The following MYO9A variants were observed in gnomAD, a reference collection of about 807,000 sequenced individuals.
MYO9A encodes myosin IXA.
A neutral mutation model predicts 293.3 loss-of-function variants in MYO9A; 103 were observed. The ratio of observed to expected loss-of-function variants is 0.35; its 90% CI spans 0.30 to 0.41. MYO9A has a LOEUF of 0.41. Ranked by LOEUF, MYO9A falls within the 10% of genes least tolerant of loss-of-function variation. The probability of loss-of-function intolerance (pLI) is 1.00; values close to 1 mark genes in which losing one functional copy is unlikely to be tolerated. For missense variants in MYO9A, 2,685 were observed against 3,033.0 expected, an observed-to-expected ratio of 0.89 and a Z score of 2.69; for synonymous variants, 1,001 against 1,035.7, an observed-to-expected ratio of 0.97 and a Z score of 0.64.
chr15:71,887,387 C>G (rs969759293), intron 27 of MYO9A, among the ~76,000 whole-genome samples: 2 of 152,112 alleles, frequency 1.3e-5, no homozygotes, highest in Non-Finnish European at 2.9e-5. Context: ...TCTCTACCCT[C>G]CCCTGTTCGC....
At chr15:72,072,001 CAG>C (rs1352181893) in intron 1 of MYO9A, among the ~76,000 whole-genome samples, 10 of 135,730 alleles carry the variant, frequency 7.4e-5, no homozygotes, top group African/African-American at 2.5e-4. Context: ...GCTCAGGAGG[CAG>C]AGAGGTTGCA....
At chr15:71,942,522 ATATTT>A (rs2058804736) in intron 15 of MYO9A, among the ~76,000 whole-genome samples, 1 of 151,916 alleles carries the variant, frequency 6.6e-6, no homozygotes, top group African/African-American at 2.4e-5. Context: ...ATCTTAGTTT[ATATTT>A]TTTTATTTAC....
At chr15:72,077,951 C>A (rs2079422578) in intron 1 of MYO9A, among the ~76,000 whole-genome samples, 1 of 151,686 alleles carries the variant, frequency 6.6e-6, no homozygotes, top group African/African-American at 2.4e-5. Context: ...TGTTAGGGAA[C>A]TGAAAATCAA....
chr15:72,001,553 C>CAAAAAAAAAA (rs199812533), intron 8 of MYO9A, among the ~76,000 whole-genome samples: 2 of 102,524 alleles, frequency 2.0e-5, no homozygotes, highest in African/African-American at 4.0e-5. Context: ...GACTCCATCT[C>CAAAAAAAAAA]AAAAAAAAAA....
chr15:71,985,242 A>G (rs1301439031), intron 11 of MYO9A, among the ~76,000 whole-genome samples: 1 of 151,956 alleles, frequency 6.6e-6, no homozygotes, highest in Non-Finnish European at 1.5e-5. Context: ...GTTTTTATTC[A>G]TGCTGGTTTG....
At chr15:71,977,457 G>A (rs950381125) in intron 12 of MYO9A, among the ~76,000 whole-genome samples, 2 of 152,054 alleles carry the variant, frequency 1.3e-5, no homozygotes, top group Non-Finnish European at 2.9e-5. Context: ...GGCTGGTCTC[G>A]AACTCCTGGC....
At chr15:71,977,604 CAAAG>C (rs1320563805) in intron 12 of MYO9A, among the ~76,000 whole-genome samples, 1 of 151,278 alleles carries the variant, frequency 6.6e-6, no homozygotes, top group Non-Finnish European at 1.5e-5. Flanking sequence ...GCTCAATTTA[CAAAG>C]AAAGAAACAT....
At chr15:71,850,277 A>T (rs1194047311) in intron 37 of MYO9A, 110 bp from the exon 38 acceptor site, 2 of 1,253,680 alleles carry the variant, frequency 1.6e-6, no homozygotes, top group Non-Finnish European at 1.1e-6. Context: ...CATGAACTGC[A>T]TAGTACTAGA....
At chr15:71,960,392 A>G (rs1372270535) in intron 13 of MYO9A, 3 of 307,808 alleles carry the variant, frequency 9.7e-6, no homozygotes, top group African/African-American at 2.1e-5. Flanking sequence ...CTCTCTTGCC[A>G]TGTGACACAT....
chr15:71,967,577 A>G (rs1043191576), intron 13 of MYO9A, among the ~76,000 whole-genome samples: 14 of 152,318 alleles, frequency 9.2e-5, no homozygotes, highest in African/African-American at 2.6e-4. Flanking sequence ...TCCACTCCAC[A>G]TAAGAGTTTC....
intron 32 of MYO9A, among the ~76,000 whole-genome samples, chr15:71,874,909 T>C (rs933455844): frequency 2.6e-5 from 4 of 152,208 alleles, no homozygotes; most frequent in African/African-American, 4.8e-5. Flanking sequence ...TGTCAAGAAT[T>C]AGCAAAAGTA....
intron 1 of MYO9A, among the ~76,000 whole-genome samples, chr15:72,054,160 C>T (rs1209063842): frequency 3.3e-5 from 5 of 151,962 alleles, no homozygotes; most frequent in Non-Finnish European, 5.9e-5. Context: ...TAACATCAAG[C>T]AAAACAGGAA....
chr15:71,940,983 C>A (rs1488474057), intron 15 of MYO9A, among the ~76,000 whole-genome samples: 3 of 151,904 alleles, frequency 2.0e-5, no homozygotes, highest in African/African-American at 7.3e-5. Flanking sequence ...GAGTAAATTT[C>A]TAGACAATAG....
chr15:72,085,858 T>A (rs966089317), intron 1 of MYO9A, among the ~76,000 whole-genome samples: 1 of 152,148 alleles, frequency 6.6e-6, no homozygotes, highest in African/African-American at 2.4e-5. Flanking sequence ...GTATATAAGG[T>A]GGGTTCAGTC....
intron 36 of MYO9A, 37 bp downstream of exon 36, chr15:71,852,095 A>G (rs367999021): frequency 7.0e-6 from 11 of 1,581,790 alleles, no homozygotes; most frequent in Non-Finnish European, 9.5e-6. Context: ...TTTCCCAACT[A>G]TAGGCCTTCT....
chr15:72,061,029 C>A (rs928403001), intron 1 of MYO9A, among the ~76,000 whole-genome samples: 1 of 152,192 alleles, frequency 6.6e-6, no homozygotes, highest in Admixed American at 6.5e-5. Flanking sequence ...CTGATGCCCC[C>A]ATTCCAGGCT....
At chr15:71,943,613 C>T (rs1471206092) in intron 15 of MYO9A, among the ~76,000 whole-genome samples, 5 of 151,990 alleles carry the variant, frequency 3.3e-5, no homozygotes, top group Non-Finnish European at 5.9e-5. Context: ...GCATTCACCA[C>T]ACTAATAACC....
At position 71,925,370 on chromosome 15, in the gene MYO9A, T is replaced by G. The variant is rs973658728; in HGVS notation, c.2562+8300A>C. On this transcript the variant is annotated intron_variant, in intron 18 of 41. Coordinates refer to ENST00000356056, the MANE Select transcript of MYO9A (RefSeq NM_006901.4). Reference sequence around the variant, plus strand: ...ATATACTTACATGTATATATACATATATACGTATATACGTGTATATGGATA... The same window carrying G: ...ATATACTTACATGTATATATACATAGATACGTATATACGTGTATATGGATA... Among the ~76,000 whole-genome samples, 49 of 151,190 alleles carry G rather than the reference T, an allele frequency of 3.2e-4. 1 individual carries two copies. Among genetic ancestry groups the G allele is most frequent in the South Asian group, 6.2e-4 (3 of 4,818 alleles).
intron 32 of MYO9A, 139 bp from the exon 33 acceptor site, chr15:71,862,750 T>C (rs1370245477): frequency 1.8e-6 from 1 of 558,916 alleles, no homozygotes; most frequent in South Asian, 2.7e-5. Flanking sequence ...TTTTGAGAAA[T>C]AACATAAAAT....
Sources: gnomAD v4.1 joint callset for allele counts (sites outside exome capture counted in the v4.1 genomes callset) on GRCh38, gnomAD v4.1.1 for gene constraint, MANE v1.5 for transcripts, NCBI Gene and HGNC (gene_info 2026-07-23, HGNC 2026-07-21) for gene names.